ADAMTSL1: variants seen among roughly 807,000 people sequenced by gnomAD.
The protein encoded by ADAMTSL1 is ADAMTS-like protein 1.
ADAMTSL1 carries 126 observed loss-of-function variants against 201.8 expected under a neutral mutation model. The observed-to-expected ratio is 0.62, with a 90% CI of 0.54 to 0.72. The LOEUF is 0.72. Among genes scored for constraint, ADAMTSL1 ranks in the 30% least tolerant of loss-of-function variants. The probability of loss-of-function intolerance (pLI) is 0.00; values close to 1 mark genes in which losing one functional copy is unlikely to be tolerated. For synonymous variants in ADAMTSL1, 1,121 were observed against 903.4 expected, an observed-to-expected ratio of 1.24 and a Z score of -4.32; for missense variants, 2,679 against 2,277.8, an observed-to-expected ratio of 1.18 and a Z score of -3.59.
At chr9:17,980,184 A>G (rs1210271111) in intron 1 of ADAMTSL1, among the ~76,000 whole-genome samples, 1 of 152,132 alleles carries the variant, frequency 6.6e-6, no homozygotes, top group Non-Finnish European at 1.5e-5. Context: ...TGCTCCACCC[A>G]GATGCTATAA....
chr9:18,802,462 G>C (rs559865999), intron 20 of ADAMTSL1, among the ~76,000 whole-genome samples: 30 of 152,052 alleles, frequency 2.0e-4, no homozygotes, highest in African/African-American at 7.0e-4. Flanking sequence ...TATATAATTA[G>C]AATCATACAG....
chr9:18,221,701 C>T (rs1222583637), intron 2 of ADAMTSL1, among the ~76,000 whole-genome samples: 2 of 152,048 alleles, frequency 1.3e-5, no homozygotes, highest in African/African-American at 4.8e-5. Flanking sequence ...TTATAAATTT[C>T]CAAACATATT....
chr9:18,272,293 A>G (rs952188667), intron 2 of ADAMTSL1, among the ~76,000 whole-genome samples: 8 of 152,310 alleles, frequency 5.3e-5, no homozygotes, highest in African/African-American at 1.7e-4. Flanking sequence ...AGCCCTCAGA[A>G]ATAATACTAC....
chr9:18,735,815 ATCATGGCTGACTACAGCC>A (rs1371544730), intron 15 of ADAMTSL1, among the ~76,000 whole-genome samples: 1 of 144,082 alleles, frequency 6.9e-6, no homozygotes, highest in Non-Finnish European at 1.5e-5. Context: ...CAGTGGTGTA[ATCATGGCTGACTACAGCC>A]TCAACCTCCT....
At chr9:18,611,729 A>G (rs761468988) in intron 4 of ADAMTSL1, among the ~76,000 whole-genome samples, 11 of 152,162 alleles carry the variant, frequency 7.2e-5, no homozygotes, top group Non-Finnish European at 7.4e-5. Flanking sequence ...AATTATTTAA[A>G]ATGTTTGCCA....
intron 14 of ADAMTSL1, among the ~76,000 whole-genome samples, chr9:18,714,689 T>C (rs960728486): frequency 2.0e-5 from 3 of 151,622 alleles, no homozygotes; most frequent in Non-Finnish European, 4.4e-5. Context: ...ACTGGTACCA[T>C]TCCTTCTGAA....
At chr9:18,646,097 T>C (rs1827793295) in intron 7 of ADAMTSL1, among the ~76,000 whole-genome samples, 2 of 151,922 alleles carry the variant, frequency 1.3e-5, no homozygotes, top group South Asian at 4.1e-4. Context: ...CTTGAAGAGG[T>C]CCTTCACATC....
At chr9:17,946,209 G>A (rs1318519481) in intron 1 of ADAMTSL1, among the ~76,000 whole-genome samples, 1 of 151,228 alleles carries the variant, frequency 6.6e-6, no homozygotes, top group African/African-American at 2.4e-5. Context: ...GTATTGCCCA[G>A]GCTGGTCTCA....
chr9:17,911,040 G>A (rs1283773679), intron 1 of ADAMTSL1, among the ~76,000 whole-genome samples: 1 of 68,594 alleles, frequency 1.5e-5, no homozygotes, highest in African/African-American at 2.9e-5. Context: ...CAAATGGAAT[G>A]ATGTTTGAGC....
chr9:18,616,602 G>A (rs1825716230), intron 4 of ADAMTSL1, among the ~76,000 whole-genome samples: 2 of 152,030 alleles, frequency 1.3e-5, no homozygotes, highest in South Asian at 4.2e-4. Context: ...AAAAGATCCA[G>A]TAGATTCTCT....
intron 23 of ADAMTSL1, among the ~76,000 whole-genome samples, chr9:18,872,363 G>T (rs559774659): frequency 2.6e-5 from 4 of 152,048 alleles, no homozygotes; most frequent in Non-Finnish European, 5.9e-5. Context: ...AGGTTTGGGG[G>T]GAACAGGTAT....
chr9:18,900,362 A>G (rs185326225), intron 26 of ADAMTSL1, among the ~76,000 whole-genome samples: 1 of 152,338 alleles, frequency 6.6e-6, no homozygotes, highest in African/African-American at 2.4e-5. Flanking sequence ...TGTGGAAGAC[A>G]GTATGGTGAT....
chr9:18,835,537 G>T (rs567255284), intron 23 of ADAMTSL1, among the ~76,000 whole-genome samples: 1 of 152,102 alleles, frequency 6.6e-6, no homozygotes, highest in African/African-American at 2.4e-5. Context: ...GATTCAGGAG[G>T]TACACGTGCA....
chr9:18,437,736 G>A (rs890945879), intron 2 of ADAMTSL1, among the ~76,000 whole-genome samples: 3 of 152,040 alleles, frequency 2.0e-5, no homozygotes, highest in Admixed American at 6.6e-5. Context: ...CCAGAACAGT[G>A]ATAAGCAAGG....
chr9:18,239,843 A>G (rs1466095572), intron 2 of ADAMTSL1, among the ~76,000 whole-genome samples: 3 of 152,188 alleles, frequency 2.0e-5, no homozygotes, highest in African/African-American at 4.8e-5. Context: ...TTTATCCATA[A>G]GAAGCAACTC....
At chr9:17,943,903 TGAACAGGCAC>T (rs1827344818) in intron 1 of ADAMTSL1, among the ~76,000 whole-genome samples, 2 of 151,140 alleles carry the variant, frequency 1.3e-5, no homozygotes, top group African/African-American at 4.9e-5. Context: ...AGGTGAAGGG[TGAACAGGCAC>T]ATTACATGGC....
At chr9:18,040,857 C>G (rs1252293991) in intron 1 of ADAMTSL1, among the ~76,000 whole-genome samples, 1 of 151,986 alleles carries the variant, frequency 6.6e-6, no homozygotes, top group Non-Finnish European at 1.5e-5. Flanking sequence ...CAGATGGCCA[C>G]AAATCTGAGG....
intron 7 of ADAMTSL1, among the ~76,000 whole-genome samples, chr9:18,646,305 T>G (rs911923810): frequency 4.6e-5 from 7 of 152,160 alleles, no homozygotes; most frequent in African/African-American, 1.7e-4. Context: ...ACAATGGGGT[T>G]TTCTAGATAT....
intron 1 of ADAMTSL1, among the ~76,000 whole-genome samples, chr9:18,161,942 A>G (rs1447256433): frequency 6.6e-6 from 1 of 152,038 alleles, no homozygotes; most frequent in Non-Finnish European, 1.5e-5. Flanking sequence ...AAACAAGATA[A>G]CCTCATTGTG....
Sources: allele counts gnomAD v4.1 joint callset (sites outside exome capture counted in the v4.1 genomes callset), GRCh38; gene constraint gnomAD v4.1.1; transcripts MANE v1.5; gene names NCBI Gene and HGNC (gene_info 2026-07-23, HGNC 2026-07-21).